Variants in PXMP2 observed in about 807,000 individuals in gnomAD.
PXMP2 encodes peroxisomal membrane protein 2.
Under a neutral mutation model 20.2 loss-of-function variants are expected in PXMP2, and 13 were observed. That is an observed-to-expected ratio of 0.64 (90% CI 0.42 to 1.02). PXMP2 has a LOEUF of 1.02. Ranked by LOEUF, PXMP2 falls within the 50% of genes least tolerant of loss-of-function variation. The pLI, the probability that PXMP2 is intolerant of heterozygous loss-of-function variation, is 0.00. For synonymous variants in PXMP2, 113 were observed against 111.2 expected (o/e 1.02, Z -0.10); for missense variants, 284 against 251.8 (o/e 1.13, Z -0.87).
chr12:132,695,135 T>C (rs1459970387), intron 2 of PXMP2, among the ~76,000 whole-genome samples: 2 of 150,898 alleles, frequency 1.3e-5, no homozygotes, highest in Non-Finnish European at 3.0e-5. Flanking sequence ...TGAGCTCCCT[T>C]AGCCAGTTAG....
chr12:132,702,757 G>A (rs1215702006), intron 4 of PXMP2, among the ~76,000 whole-genome samples: 1 of 152,222 alleles, frequency 6.6e-6, no homozygotes, highest in Non-Finnish European at 1.5e-5. Context: ...TGCTAGGGAG[G>A]ACCTGAACAG....
At chr12:132,701,413 G>GC (rs1419218471) in intron 4 of PXMP2, 44 bp downstream of exon 4, 1 of 1,603,410 alleles carries the variant, frequency 6.2e-7, no homozygotes, top group Non-Finnish European at 8.5e-7. Flanking sequence ...TACTTTGTCA[G>GC]CCTTTTCCTT....
chr12:132,698,664 T>C (rs147724260), intron 3 of PXMP2, among the ~76,000 whole-genome samples: 1,779 of 152,330 alleles, frequency 0.012, 20 homozygotes, highest in Middle Eastern at 0.041. Flanking sequence ...AGTCTCACTC[T>C]CGCCCAGGCT....
intron 1 of PXMP2, among the ~76,000 whole-genome samples, chr12:132,689,078 A>G (rs1390241818): frequency 5.9e-4 from 30 of 50,534 alleles, no homozygotes; most frequent in East Asian, 1.8e-3. Flanking sequence ...GACAGGGCCA[A>G]GGGAGCGGGT....
At chr12:132,703,250 T>C (rs1417515761) in intron 4 of PXMP2, among the ~76,000 whole-genome samples, 3 of 152,030 alleles carry the variant, frequency 2.0e-5, no homozygotes, top group Non-Finnish European at 4.4e-5. Context: ...CTGGGCAACA[T>C]AGTGAGACCC....
chr12:132,690,387 T>C lies in PXMP2; in HGVS notation c.236+11T>C. 6.2e-7 allele frequency: 1 copy of C among 1,605,480 alleles called. No homozygotes were observed. Among genetic ancestry groups the C allele is most frequent in the Non-Finnish European group, 8.5e-7 (1 of 1,172,654 alleles). ...ATATGCCGTTTACGGGTGAGTGCCA[T>C]ACAAGGGGTGGGTTTACCTTGTAGC... On this transcript the variant is annotated intron_variant, in intron 2 of 4. Transcript: ENST00000317479.
chr12:132,697,669 G>C (rs899552634), intron 3 of PXMP2, among the ~76,000 whole-genome samples: 1 of 152,054 alleles, frequency 6.6e-6, no homozygotes, highest in Non-Finnish European at 1.5e-5. Flanking sequence ...GCCTCCCAAA[G>C]TGCTGGGATT....
At chr12:132,698,958 A>T (rs1011564387) in intron 3 of PXMP2, among the ~76,000 whole-genome samples, 8 of 152,068 alleles carry the variant, frequency 5.3e-5, no homozygotes, top group Admixed American at 3.9e-4. Flanking sequence ...TTCTTTAAAA[A>T]TTTTTTTTAG....
chr12:132,692,268 C>T (rs1344232530), intron 2 of PXMP2, among the ~76,000 whole-genome samples: 1 of 148,034 alleles, frequency 6.8e-6, no homozygotes, highest in Non-Finnish European at 1.5e-5. Context: ...AGTTAGTGAG[C>T]TCCCTTAGCC....
intron 2 of PXMP2, among the ~76,000 whole-genome samples, chr12:132,692,712 A>ACCCTTGCCAGTTAGTTAGTGAGCG (rs1565990639): frequency 5.6e-4 from 28 of 49,880 alleles, no homozygotes; most frequent in Non-Finnish European, 7.7e-4. Flanking sequence ...GTTAGTGAGC[A>ACCCTTGCCAGTTAGTTAGTGAGCG]CCCTTGCCAG....
intron 3 of PXMP2, among the ~76,000 whole-genome samples, chr12:132,697,795 TGA>T (rs1230008470): frequency 6.6e-6 from 1 of 152,068 alleles, no homozygotes; most frequent in Non-Finnish European, 1.5e-5. Flanking sequence ...ACAAGAAGTT[TGA>T]GACCCCTACT....
At chr12:132,689,341 A>G (rs1292509967) in intron 1 of PXMP2, among the ~76,000 whole-genome samples, 1 of 152,166 alleles carries the variant, frequency 6.6e-6, no homozygotes, top group Non-Finnish European at 1.5e-5. Context: ...AGGTGTTTTG[A>G]GAAGGTGACA....
rs201949583 is a variant in PXMP2 at position 132,700,041 on chromosome 12, C to CTTT, written c.400-1209_400-1208insTTT. Among the ~76,000 whole-genome samples the CTTT allele has an allele frequency of 2.9e-5, 4 of 140,234 alleles. 1 individual carries two copies. Among genetic ancestry groups the CTTT allele is most frequent in the African/African-American group, 7.7e-5 (3 of 39,206 alleles). 92.0% of individuals were successfully genotyped at this position (140,234 alleles called of 152,430 possible). A position where few individuals can be genotyped will look rare whatever the true frequency, so the allele number is the denominator to read the frequency against. On this transcript the variant is annotated intron_variant, in intron 3 of 4. Transcript: ENST00000317479. ...CTTGCCAGCATCTATTGTTTTTTGA[C>CTTT]CTTTTTTTTTTTTTTTTTGAGGCAG...
chr12:132,688,291 A>T (rs1279260561), intron 1 of PXMP2: 1 of 223,654 alleles, frequency 4.5e-6, no homozygotes, highest in Non-Finnish European at 8.6e-6. Flanking sequence ...GGGTGAAGAC[A>T]GGGCCAGGGG....
At position 132,687,741 on chromosome 12, in the gene PXMP2, A is replaced by T. The variant is rs774959338; in HGVS notation, c.71A>T (p.Gln24Leu). 1.6e-6 allele frequency: 2 copies of T among 1,220,690 alleles called. No homozygotes were observed. The highest frequency in any genetic ancestry group is 7.8e-5 in the Admixed American group (2 of 25,498). 75.6% of individuals were successfully genotyped at this position (1,220,690 alleles called of 1,614,324 possible). Residue 24 changes from glutamine (Q) to leucine (L), a missense_variant, in exon 1 of 5, where the codon CAG becomes CTG. Gln to Leu is a moderately radical substitution (Grantham distance 113). Transcript: ENST00000317479. ...LGALPRRALA[Q>L]YLLFLRLYPV... The stretch of plus-strand genomic sequence containing the variant: ...GCGCTGCCGCGGCGGGCGCTCGCCC[A>T]GTACCTGCTCTTCCTGCGGCTCTAC...
At chr12:132,690,022 A>G (rs923341683) in intron 1 of PXMP2, among the ~76,000 whole-genome samples, 30 of 152,352 alleles carry the variant, frequency 2.0e-4, no homozygotes, top group Admixed American at 7.2e-4. Context: ...AAATTATAGT[A>G]TAACATCACA....
At chr12:132,689,699 A>G (rs2043355752) in intron 1 of PXMP2, among the ~76,000 whole-genome samples, 2 of 152,220 alleles carry the variant, frequency 1.3e-5, no homozygotes, top group Admixed American at 1.3e-4. Context: ...GGAAATTTTT[A>G]TTGTGATAAT....
At chr12:132,689,828 G>T (rs2043356355) in intron 1 of PXMP2, among the ~76,000 whole-genome samples, 1 of 152,178 alleles carries the variant, frequency 6.6e-6, no homozygotes, top group Non-Finnish European at 1.5e-5. Context: ...GCATTGCGTG[G>T]ACACAGTCCA....
chr12:132,690,454 G>A, intron 2 of PXMP2, 78 bp downstream of exon 2: 2 of 1,040,616 alleles, frequency 1.9e-6, no homozygotes, highest in Middle Eastern at 2.1e-4. Flanking sequence ...CGAGTAGTTG[G>A]AGTACTCTTA....
Sources: allele counts gnomAD v4.1 joint callset (sites outside exome capture counted in the v4.1 genomes callset), GRCh38; gene constraint gnomAD v4.1.1; transcripts MANE v1.5; gene names NCBI Gene and HGNC (gene_info 2026-07-23, HGNC 2026-07-21).